Variants in MDFIC observed in about 807,000 individuals in gnomAD.
MDFIC encodes the protein MyoD family inhibitor domain containing.
Under a neutral mutation model 23.2 loss-of-function variants are expected in MDFIC, and 17 were observed. That is an observed-to-expected ratio of 0.73 (90% CI 0.50 to 1.10). The LOEUF (loss-of-function observed/expected upper bound fraction) is 1.10, where lower values mean the gene tolerates loss of function less well. MDFIC is among the 50% of genes least tolerant of loss of function. The pLI, the probability that MDFIC is intolerant of heterozygous loss-of-function variation, is 0.00. For synonymous variants in MDFIC, 120 were observed against 115.2 expected (o/e 1.04, Z -0.27); for missense variants, 356 against 316.6 (o/e 1.12, Z -0.95).
intron 2 of MDFIC, among the ~76,000 whole-genome samples, chr7:114,928,478 A>T (rs1273136711): frequency 6.6e-6 from 1 of 152,176 alleles, no homozygotes; most frequent in Admixed American, 6.5e-5. Context: ...TTTTGATTTG[A>T]GTTGGACCAG....
At chr7:114,959,159 A>G (rs578089445) in intron 3 of MDFIC, among the ~76,000 whole-genome samples, 8 of 152,346 alleles carry the variant, frequency 5.3e-5, no homozygotes, top group African/African-American at 1.9e-4. Flanking sequence ...TGAGCCTAAA[A>G]AACAAAATTA....
At chr7:114,932,000 C>G (rs2594463) in intron 2 of MDFIC, among the ~76,000 whole-genome samples, 2 of 152,128 alleles carry the variant, frequency 1.3e-5, no homozygotes, top group Non-Finnish European at 2.9e-5. Context: ...TGTTTGTAAA[C>G]GCAGACGCTG....
intron 4 of MDFIC, among the ~76,000 whole-genome samples, chr7:115,001,310 C>G (rs922441862): frequency 5.3e-5 from 8 of 152,106 alleles, no homozygotes; most frequent in Non-Finnish European, 1.2e-4. Flanking sequence ...AAATATTAAA[C>G]CTGCCTAAAT....
In MDFIC at chr7:114,923,032, C is replaced by G. The variant is rs1427811989; in HGVS notation, c.-2C>G. On this transcript the variant is annotated 5_prime_UTR_variant, in exon 2 of 5. Transcript: ENST00000393486. ...CGCGGCGCGGGCTCGGCGGAGCGGC[C>G]CATGTCCGGCGCGGGCGAAGCCCTC... The G allele has an allele frequency of 3.6e-6, 5 of 1,382,146 alleles. No homozygotes were observed. The highest frequency in any genetic ancestry group is 4.7e-6 in the Non-Finnish European group (5 of 1,070,392). 85.6% of individuals were successfully genotyped at this position (1,382,146 alleles called of 1,614,324 possible).
At chr7:115,014,016 C>T in intron 4 of MDFIC, 4 of 985,380 alleles carry the variant, frequency 4.1e-6, no homozygotes, top group Non-Finnish European at 4.8e-6. Context: ...GTGGGCTTGG[C>T]ACTAAAAAGA....
At chr7:115,000,901 C>T (rs766993359) in intron 4 of MDFIC, among the ~76,000 whole-genome samples, 1 of 152,136 alleles carries the variant, frequency 6.6e-6, no homozygotes, top group Non-Finnish European at 1.5e-5. Context: ...AGTCAACAAC[C>T]TGGTGACACA....
intron 4 of MDFIC, among the ~76,000 whole-genome samples, chr7:115,000,441 A>C (rs866289605): frequency 1.3e-4 from 20 of 152,192 alleles, no homozygotes; most frequent in African/African-American, 3.9e-4. Context: ...TATGTTATGG[A>C]TTTAAAAATA....
intron 4 of MDFIC, among the ~76,000 whole-genome samples, chr7:114,995,229 A>AT (rs1174124284): frequency 2.0e-5 from 3 of 152,110 alleles, no homozygotes; most frequent in African/African-American, 7.2e-5. Context: ...TATGCTGGTT[A>AT]TTCTAGTTAG....
chr7:114,965,214 G>A (rs1793073341), intron 3 of MDFIC, among the ~76,000 whole-genome samples: 1 of 152,146 alleles, frequency 6.6e-6, no homozygotes. Context: ...GGTAAGTTTG[G>A]GAATCAGGAG....
In MDFIC at chr7:114,948,478, C is replaced by T. The variant is rs370159260; in HGVS notation, c.217+6081C>T. Among the ~76,000 whole-genome samples, 108 of 151,966 alleles carry T rather than the reference C, an allele frequency of 7.1e-4. 1 individual carries two copies. In the South Asian group the frequency reaches 0.018, roughly 25 times the overall value. On this transcript the variant is annotated intron_variant, in intron 3 of 4. Coordinates refer to ENST00000393486, the MANE Select transcript of MDFIC (RefSeq NM_001166345.3). ...CATCCGATGTTCCTTATTTTTCTTG[C>T]CTACCCATAAGAAAAAAAATTCGAG... is the stretch of plus-strand genomic sequence containing the variant.
chr7:114,975,731 AC>A, intron 3 of MDFIC, among the ~76,000 whole-genome samples: 2 of 152,206 alleles, frequency 1.3e-5, no homozygotes, highest in East Asian at 3.9e-4. Flanking sequence ...TTCAAGTCAT[AC>A]CCATAAATAA....
chr7:114,930,356 GA>G (rs1792285329), intron 2 of MDFIC, among the ~76,000 whole-genome samples: 1 of 152,216 alleles, frequency 6.6e-6, no homozygotes, highest in Non-Finnish European at 1.5e-5. Flanking sequence ...GCATGTGTGG[GA>G]AGTGTTTATG....
intron 3 of MDFIC, among the ~76,000 whole-genome samples, chr7:114,961,361 T>C (rs2115864251): frequency 6.6e-6 from 1 of 152,308 alleles, no homozygotes; most frequent in East Asian, 1.9e-4. Context: ...TACCTCCTCC[T>C]GGTTGCCATT....
intron 4 of MDFIC, among the ~76,000 whole-genome samples, chr7:114,999,401 C>T (rs776373892): frequency 9.2e-5 from 14 of 151,764 alleles, no homozygotes; most frequent in Non-Finnish European, 1.9e-4. Flanking sequence ...CTCCAAAATA[C>T]ATACTTGTTT....
intron 4 of MDFIC, among the ~76,000 whole-genome samples, chr7:114,986,523 A>T (rs879339845): frequency 5.3e-5 from 8 of 151,992 alleles, no homozygotes; most frequent in Admixed American, 4.6e-4. Flanking sequence ...TGACCTTACT[A>T]TTTCCCCTTC....
At chr7:114,955,384 C>T (rs762090055) in intron 3 of MDFIC, among the ~76,000 whole-genome samples, 12 of 152,326 alleles carry the variant, frequency 7.9e-5, no homozygotes, top group South Asian at 4.1e-4. Context: ...CATCTCTCCA[C>T]GTCTCCCGCC....
At chr7:114,997,238 T>C (rs1791351034) in intron 4 of MDFIC, among the ~76,000 whole-genome samples, 1 of 152,138 alleles carries the variant, frequency 6.6e-6, no homozygotes, top group Admixed American at 6.5e-5. Flanking sequence ...TGTTAGGATA[T>C]AAAGGCGAAT....
intron 4 of MDFIC, among the ~76,000 whole-genome samples, chr7:115,010,109 G>A (rs990932283): frequency 1.3e-4 from 20 of 152,248 alleles, no homozygotes; most frequent in African/African-American, 4.8e-4. Context: ...AAGCCACATG[G>A]ATGCAGAGGA....
At chr7:114,980,053 T>C in intron 4 of MDFIC, 2 of 446,170 alleles carry the variant, frequency 4.5e-6, no homozygotes, top group Non-Finnish European at 8.3e-6. Flanking sequence ...TAATGCCACA[T>C]TTAAAAATAT....
Sources: gnomAD v4.1 joint callset for allele counts (sites outside exome capture counted in the v4.1 genomes callset) on GRCh38, gnomAD v4.1.1 for gene constraint, MANE v1.5 for transcripts, NCBI Gene and HGNC (gene_info 2026-07-23, HGNC 2026-07-21) for gene names.